The following DSCAM variants were observed in gnomAD, a reference collection of about 807,000 sequenced individuals.
The protein encoded by DSCAM is cell adhesion molecule DSCAM.
A neutral mutation model predicts 217.7 loss-of-function variants in DSCAM; 47 were observed. That is an observed-to-expected ratio of 0.22 (90% CI 0.17 to 0.28). The LOEUF (loss-of-function observed/expected upper bound fraction) is 0.28, where lower values mean the gene tolerates loss of function less well. DSCAM is among the 10% of genes least tolerant of loss of function. The probability of loss-of-function intolerance (pLI) is 1.00; values close to 1 mark genes in which losing one functional copy is unlikely to be tolerated. For synonymous variants in DSCAM, 1,056 were observed against 1,015.3 expected (o/e 1.04, Z -0.76); for missense variants, 2,080 against 2,618.3 (o/e 0.79, Z 4.49).
At chr21:40,508,758 TATATATATATATATA>T (rs2076232048) in intron 3 of DSCAM, among the ~76,000 whole-genome samples, 1 of 14,768 alleles carries the variant, frequency 6.8e-5, no homozygotes, top group Non-Finnish European at 1.3e-4. Flanking sequence ...TATATATATA[TATATATATATATATA>T]TATATATATA....
At chr21:40,499,431 T>C (rs1305334918) in intron 3 of DSCAM, among the ~76,000 whole-genome samples, 6 of 152,122 alleles carry the variant, frequency 3.9e-5, no homozygotes, top group Admixed American at 6.5e-5. Context: ...CTACTACATA[T>C]AGGATGATAG....
intron 3 of DSCAM, among the ~76,000 whole-genome samples, chr21:40,589,730 T>C (rs1421765679): frequency 6.6e-6 from 1 of 152,238 alleles, no homozygotes; most frequent in Non-Finnish European, 1.5e-5. Context: ...CAAATGTACA[T>C]GAATAGTGAA....
At chr21:40,373,658 C>T (rs899637971) in intron 3 of DSCAM, among the ~76,000 whole-genome samples, 2 of 152,176 alleles carry the variant, frequency 1.3e-5, no homozygotes, top group Non-Finnish European at 2.9e-5. Flanking sequence ...CATTAATGTG[C>T]TTGTTCAATC....
rs932733310 is a variant in DSCAM, at chr21:40,187,123, G to C, written c.2779+8C>G. 1 of 1,612,594 alleles carries C rather than the reference G, an allele frequency of 6.2e-7. No individual in the cohort carries two copies. The highest frequency in any genetic ancestry group is 1.7e-5 in the Admixed American group (1 of 59,706). Reference sequence around the variant, plus strand: ...TGGAAGGGAAGCTGGAGGAAGTAAAGAACTTACCTGATTTATTTTTGCATT... The same window carrying C: ...TGGAAGGGAAGCTGGAGGAAGTAAACAACTTACCTGATTTATTTTTGCATT... On this transcript the variant is annotated splice_region_variant and intron_variant, in intron 14 of 32. Transcript: ENST00000400454.
At chr21:40,480,507 T>G (rs2075973222) in intron 3 of DSCAM, among the ~76,000 whole-genome samples, 1 of 152,206 alleles carries the variant, frequency 6.6e-6, no homozygotes, top group East Asian at 1.9e-4. Flanking sequence ...TCATACTTCA[T>G]TTTCTAGAAA....
chr21:40,473,952 G>A (rs2145973308), intron 3 of DSCAM, among the ~76,000 whole-genome samples: 1 of 152,302 alleles, frequency 6.6e-6, no homozygotes, highest in South Asian at 2.1e-4. Context: ...CTGCTCAGTG[G>A]CATGTTTTTG....
rs780906806 is a variant in DSCAM, at chr21:40,339,160, G to A, written c.1466C>T (p.Ser489Leu). The A allele has an allele frequency of 1.9e-6, 3 of 1,614,164 alleles. No individual in the cohort carries two copies. Among genetic ancestry groups the A allele is most frequent in the Non-Finnish European group, 2.5e-6 (3 of 1,180,032 alleles). ...AGCCTGGTACAGGACGACTCCCGCC[G>A]AGTTGTTGGCAGTGCAGCGGTAGAC... Reference protein sequence around the residue: ...GGVYRCTANNSAGVVLYQARI... With the variant: ...GGVYRCTANNLAGVVLYQARI... Residue 489 changes from serine (S) to leucine (L), a missense_variant, in exon 7 of 33, where the codon TCG (serine) becomes TTG (leucine). Coordinates refer to ENST00000400454, the MANE Select transcript of DSCAM (RefSeq NM_001389.5).
chr21:40,192,702 T>C (rs1241326488), intron 11 of DSCAM, among the ~76,000 whole-genome samples: 1 of 152,208 alleles, frequency 6.6e-6, no homozygotes, highest in Admixed American at 6.5e-5. Context: ...CTGGATTTTT[T>C]TCACTAAGCA....
At chr21:40,721,113 G>A (rs1313108808) in intron 1 of DSCAM, among the ~76,000 whole-genome samples, 5 of 152,180 alleles carry the variant, frequency 3.3e-5, no homozygotes, top group African/African-American at 1.2e-4. Flanking sequence ...GTATCACACA[G>A]CTGCAGGGGA....
chr21:40,083,766 G>A (rs1405370745), intron 24 of DSCAM, 142 bp downstream of exon 24: 1 of 503,572 alleles, frequency 2.0e-6, no homozygotes, highest in Non-Finnish European at 3.5e-6. Flanking sequence ...TTCTTTCTTA[G>A]GTAATGGAGG....
chr21:40,554,895 TTGG>T (rs1284864156), intron 3 of DSCAM, among the ~76,000 whole-genome samples: 1 of 152,204 alleles, frequency 6.6e-6, no homozygotes, highest in Non-Finnish European at 1.5e-5. Context: ...GTTTATTTTC[TTGG>T]TGATTTCCCC....
chr21:40,398,847 C>T (rs2075206758), intron 3 of DSCAM, among the ~76,000 whole-genome samples: 2 of 152,004 alleles, frequency 1.3e-5, no homozygotes, highest in African/African-American at 4.8e-5. Context: ...CTCTGCCTCC[C>T]AAAATGCTGG....
At chr21:40,337,955 A>G in intron 8 of DSCAM, 146 bp downstream of exon 8, 3 of 1,033,492 alleles carry the variant, frequency 2.9e-6, no homozygotes, top group Non-Finnish European at 2.9e-6. Context: ...TAAAGAGGAC[A>G]TCTCATGTTC....
chr21:40,131,577 C>A (rs1349729714), intron 19 of DSCAM, among the ~76,000 whole-genome samples: 1 of 152,172 alleles, frequency 6.6e-6, no homozygotes, highest in South Asian at 2.1e-4. Flanking sequence ...AGGTGCCCAC[C>A]ACCACACCTG....
Position 40,707,911 on chromosome 21 carries a change from G to C in DSCAM, c.361+543C>G, listed in dbSNP as rs148212817. ...GTTAAAAGGAACATAGCCCATTCAG[G>C]ATTTATGTACTGACAACATTTCAGC... On this transcript the variant is annotated intron_variant, in intron 2 of 32. Transcript: ENST00000400454. Among the ~76,000 whole-genome samples the C allele has an allele frequency of 2.9e-3, 437 of 152,192 alleles. 5 individuals carry two copies. The highest frequency in any genetic ancestry group is 9.5e-3 in the African/African-American group (395 of 41,532).
intron 9 of DSCAM, among the ~76,000 whole-genome samples, chr21:40,308,077 GAATAAT>G (rs756408763): frequency 1.3e-5 from 2 of 151,610 alleles, no homozygotes; most frequent in African/African-American, 4.8e-5. Flanking sequence ...AAAACTTAAA[GAATAAT>G]AATAAAATAA....
intron 3 of DSCAM, among the ~76,000 whole-genome samples, chr21:40,560,724 A>C (rs1007943710): frequency 2.6e-5 from 4 of 152,242 alleles, no homozygotes; most frequent in African/African-American, 9.6e-5. Context: ...TGGCAACACA[A>C]TGCATTGTAG....
chr21:40,428,650 G>C (rs1044483466), intron 3 of DSCAM, among the ~76,000 whole-genome samples: 1 of 152,086 alleles, frequency 6.6e-6, no homozygotes, highest in Admixed American at 6.5e-5. Flanking sequence ...AACTAAACGA[G>C]AAGGCAGAAC....
chr21:40,609,163 C>A (rs759803223), intron 3 of DSCAM, among the ~76,000 whole-genome samples: 1 of 152,108 alleles, frequency 6.6e-6, no homozygotes, highest in Non-Finnish European at 1.5e-5. Context: ...CCATGTTGCC[C>A]AGGCTGGACT....
Sources: gnomAD v4.1 joint callset for allele counts (sites outside exome capture counted in the v4.1 genomes callset) on GRCh38, gnomAD v4.1.1 for gene constraint, MANE v1.5 for transcripts, NCBI Gene and HGNC (gene_info 2026-07-23, HGNC 2026-07-21) for gene names.